OMA1: variants seen among roughly 807,000 people sequenced by gnomAD.
The protein encoded by OMA1 is metalloendopeptidase OMA1, mitochondrial.
In OMA1, 38 loss-of-function variants were observed where a neutral mutation model predicts 30.9. That is an observed-to-expected ratio of 1.23 (90% CI 0.95 to 1.61). The LOEUF is 1.61. Among genes scored for constraint, OMA1 ranks in the 40% most tolerant of loss-of-function variants. The pLI is 0.00. For missense variants in OMA1, 461 were observed against 349.2 expected (o/e 1.32, Z -2.55); for synonymous variants, 173 against 121.9 (o/e 1.42, Z -2.76).
chr1:58,531,348 G>T (rs183596947), intron 5 of OMA1, among the ~76,000 whole-genome samples: 2 of 152,224 alleles, frequency 1.3e-5, no homozygotes, highest in East Asian at 3.9e-4. Flanking sequence ...TTGTAAATTT[G>T]TAAGTCTAGT....
chr1:58,502,815 T>C (rs1443960139), intron 8 of OMA1, among the ~76,000 whole-genome samples: 4 of 152,222 alleles, frequency 2.6e-5, no homozygotes, highest in Admixed American at 6.5e-5. Context: ...AATATTGCAA[T>C]AGAGTTTTAT....
At chr1:58,516,551 T>C (rs1213109338) in intron 7 of OMA1, among the ~76,000 whole-genome samples, 1 of 152,110 alleles carries the variant, frequency 6.6e-6, no homozygotes, top group Non-Finnish European at 1.5e-5. Context: ...GCCTTCCAAA[T>C]GAAAAATTAA....
chr1:58,535,293 G>C (rs1289777871), intron 3 of OMA1, among the ~76,000 whole-genome samples: 1 of 152,090 alleles, frequency 6.6e-6, no homozygotes, highest in African/African-American at 2.4e-5. Flanking sequence ...TAAAGTGTAT[G>C]CTTTTTTTCA....
intron 8 of OMA1, among the ~76,000 whole-genome samples, chr1:58,495,789 C>T (rs1279375993): frequency 6.6e-6 from 1 of 152,000 alleles, no homozygotes; most frequent in Non-Finnish European, 1.5e-5. Flanking sequence ...CTCCAAAACT[C>T]TTACACTTCC....
At chr1:58,501,266 A>C (rs937479750) in intron 8 of OMA1, among the ~76,000 whole-genome samples, 1 of 152,116 alleles carries the variant, frequency 6.6e-6, no homozygotes, top group African/African-American at 2.4e-5. Flanking sequence ...TTTTTTTTCT[A>C]ATGTGATGGG....
At chr1:58,503,185 G>A (rs956085055) in intron 8 of OMA1, among the ~76,000 whole-genome samples, 3 of 151,904 alleles carry the variant, frequency 2.0e-5, no homozygotes, top group Non-Finnish European at 2.9e-5. Context: ...TTCATTGAGC[G>A]AAAATAAAAA....
chr1:58,526,111 A>G (rs1201403766), intron 7 of OMA1, among the ~76,000 whole-genome samples: 1 of 152,144 alleles, frequency 6.6e-6, no homozygotes, highest in African/African-American at 2.4e-5. Flanking sequence ...TTTCCTAACC[A>G]GAACACAGAA....
chr1:58,486,023 T>C (rs1345704331), intron 8 of OMA1, among the ~76,000 whole-genome samples: 1 of 152,200 alleles, frequency 6.6e-6, no homozygotes, highest in Non-Finnish European at 1.5e-5. Context: ...AGACTACAAC[T>C]ATGAGTGAAA....
intron 7 of OMA1, among the ~76,000 whole-genome samples, chr1:58,506,871 C>T (rs1645997926): frequency 6.6e-6 from 1 of 151,932 alleles, no homozygotes; most frequent in African/African-American, 2.4e-5. Context: ...AAACACAATA[C>T]CTTATAAAAG....
intron 7 of OMA1, among the ~76,000 whole-genome samples, chr1:58,515,705 CAA>C (rs1227935353): frequency 6.6e-6 from 1 of 152,066 alleles, no homozygotes; most frequent in Non-Finnish European, 1.5e-5. Flanking sequence ...AAATAAAACG[CAA>C]AGATACTTTG....
chr1:58,532,252 T>C (rs1015849558), intron 5 of OMA1, among the ~76,000 whole-genome samples: 6 of 152,182 alleles, frequency 3.9e-5, no homozygotes, highest in Non-Finnish European at 7.4e-5. Context: ...CAAAAACATA[T>C]TAATAACTAT....
intron 1 of OMA1, among the ~76,000 whole-genome samples, chr1:58,545,986 T>C (rs572981147): frequency 6.6e-6 from 1 of 152,332 alleles, no homozygotes; most frequent in African/African-American, 2.4e-5. Flanking sequence ...TTGCACGACC[T>C]TGATCAACGC....
At chr1:58,508,679 C>A (rs1306165803) in intron 7 of OMA1, among the ~76,000 whole-genome samples, 2 of 151,972 alleles carry the variant, frequency 1.3e-5, no homozygotes, top group Non-Finnish European at 2.9e-5. Flanking sequence ...GTCTTGCCAG[C>A]CTTGTAGCAC....
At chr1:58,510,426 C>A (rs1051085992) in intron 7 of OMA1, among the ~76,000 whole-genome samples, 1 of 152,000 alleles carries the variant, frequency 6.6e-6, no homozygotes, top group African/African-American at 2.4e-5. Flanking sequence ...ATTAAACATC[C>A]TTTCATAATA....
intron 8 of OMA1, among the ~76,000 whole-genome samples, chr1:58,501,566 C>T (rs1419878075): frequency 6.6e-6 from 1 of 152,174 alleles, no homozygotes; most frequent in Non-Finnish European, 1.5e-5. Context: ...GTTGCTCCTG[C>T]CCCACAGCCT....
At chr1:58,489,692 C>A (rs950332571) in intron 8 of OMA1, among the ~76,000 whole-genome samples, 3 of 152,178 alleles carry the variant, frequency 2.0e-5, no homozygotes, top group African/African-American at 4.8e-5. Flanking sequence ...AGGCACCCCC[C>A]AGTAGGGGCA....
chr1:58,517,411 C>T (rs1473064758), intron 7 of OMA1, among the ~76,000 whole-genome samples: 2 of 152,174 alleles, frequency 1.3e-5, no homozygotes, highest in Non-Finnish European at 2.9e-5. Context: ...CCATGCCAAA[C>T]ACTACACCTA....
intron 1 of OMA1, among the ~76,000 whole-genome samples, chr1:58,543,060 C>A (rs988655555): frequency 2.0e-5 from 3 of 151,744 alleles, no homozygotes; most frequent in Admixed American, 2.0e-4. Flanking sequence ...AAGTGAGAGA[C>A]CACAAAGCCA....
At chr1:58,508,467 C>T (rs1267743806) in intron 7 of OMA1, among the ~76,000 whole-genome samples, 1 of 152,116 alleles carries the variant, frequency 6.6e-6, no homozygotes, top group African/African-American at 2.4e-5. Flanking sequence ...TGCACAAGTA[C>T]GAAATGAACA....
Sources: allele counts gnomAD v4.1 joint callset (sites outside exome capture counted in the v4.1 genomes callset), GRCh38; gene constraint gnomAD v4.1.1; transcripts MANE v1.5; gene names NCBI Gene and HGNC (gene_info 2026-07-23, HGNC 2026-07-21).